The following FBXW12 variants were observed in gnomAD, a reference collection of about 807,000 sequenced individuals.
FBXW12 encodes F-box and WD repeat domain containing 12, also known as F-box/WD repeat-containing protein 12.
FBXW12 carries 43 observed loss-of-function variants against 55.3 expected under a neutral mutation model. The observed-to-expected ratio is 0.78, with a 90% CI of 0.61 to 1.00. The LOEUF (loss-of-function observed/expected upper bound fraction) is 1.00, where lower values mean the gene tolerates loss of function less well. Ranked by LOEUF, FBXW12 falls within the 50% of genes least tolerant of loss-of-function variation. FBXW12 has a pLI of 0.00. For synonymous variants in FBXW12, 184 were observed against 203.8 expected, an observed-to-expected ratio of 0.90 and a Z score of 0.83; for missense variants, 524 against 560.5, an observed-to-expected ratio of 0.93 and a Z score of 0.66.
At chr3:48,372,648 C>G in intron 1 of FBXW12, 36 bp from the exon 2 acceptor site, 1 of 1,585,932 alleles carries the variant, frequency 6.3e-7, no homozygotes, top group South Asian at 1.2e-5. Context: ...TTGTTTCTAC[C>G]GCACACAGAT....
chr3:48,384,472 C>T (rs1348246098), intron 10 of FBXW12, among the ~76,000 whole-genome samples: 3 of 152,196 alleles, frequency 2.0e-5, no homozygotes, highest in Non-Finnish European at 2.9e-5. Flanking sequence ...TGTAGACAAT[C>T]ATGTCGTCTG....
chr3:48,389,007 T>G (rs1175294668), intron 10 of FBXW12, among the ~76,000 whole-genome samples: 1 of 152,214 alleles, frequency 6.6e-6, no homozygotes, highest in East Asian at 1.9e-4. Flanking sequence ...CCCTGTTCCC[T>G]GTCTAACCCC....
At chr3:48,379,612 G>C (rs2036736977) in intron 7 of FBXW12, 54 bp downstream of exon 7, 1 of 1,536,520 alleles carries the variant, frequency 6.5e-7, no homozygotes, top group South Asian at 1.1e-5. Flanking sequence ...AAGTTAGGAA[G>C]CATGCAGAGA....
At chr3:48,372,952 G>T in intron 2 of FBXW12, 95 bp downstream of exon 2, 1 of 1,164,026 alleles carries the variant, frequency 8.6e-7, no homozygotes, top group Non-Finnish European at 1.3e-6. Flanking sequence ...GTTACACTGA[G>T]GCTTTGGGGG....
chr3:48,375,177 A>C (rs888602297), intron 4 of FBXW12, among the ~76,000 whole-genome samples, 177 bp from the exon 5 acceptor site: 15 of 152,150 alleles, frequency 9.9e-5, no homozygotes, highest in Non-Finnish European at 2.1e-4. Flanking sequence ...ACATCTCCCA[A>C]ATGGCCAGTC....
intron 10 of FBXW12, among the ~76,000 whole-genome samples, chr3:48,385,529 G>A (rs1021928930): frequency 1.3e-5 from 2 of 152,108 alleles, no homozygotes; most frequent in South Asian, 2.1e-4. Flanking sequence ...AATTCCTTTG[G>A]ATGTATACCC....
chr3:48,390,471 G>A (rs1274557376), intron 10 of FBXW12, among the ~76,000 whole-genome samples: 1 of 133,252 alleles, frequency 7.5e-6, no homozygotes, highest in Non-Finnish European at 1.5e-5. Flanking sequence ...CTGGAGTGCA[G>A]TGGTACAATC....
intron 5 of FBXW12, 44 bp from the exon 6 acceptor site, chr3:48,378,273 G>GT: frequency 6.9e-7 from 1 of 1,454,244 alleles, no homozygotes; most frequent in Non-Finnish European, 9.7e-7. Flanking sequence ...CACAGTAGGT[G>GT]TAAGGGTTCC....
At chr3:48,381,024 T>TG in intron 8 of FBXW12, 112 bp downstream of exon 8, 3 of 210,366 alleles carry the variant, frequency 1.4e-5, no homozygotes, top group South Asian at 1.3e-4. Context: ...GATTTCTAGT[T>TG]TTTTTTTTTT....
At chr3:48,378,881 A>G (rs757499503) in intron 6 of FBXW12, among the ~76,000 whole-genome samples, 23 of 152,034 alleles carry the variant, frequency 1.5e-4, no homozygotes, top group Admixed American at 2.6e-4. Context: ...TTACAGGCAT[A>G]AGCCACAGCG....
Position 48,379,781 on chromosome 3 carries a change from G to A in FBXW12, c.774+223G>A, listed in dbSNP as rs978072729. Reference sequence around the variant, plus strand: ...TAACAAAAACTCGTTCATGAAGCCCGAATTTGCCAAAGAGATGGAAGAGGG... The same window carrying A: ...TAACAAAAACTCGTTCATGAAGCCCAAATTTGCCAAAGAGATGGAAGAGGG... On this transcript the variant is annotated intron_variant, in intron 7 of 10. Coordinates refer to ENST00000296438, the MANE Select transcript of FBXW12 (RefSeq NM_207102.2). 14 of 487,590 alleles carry A rather than the reference G, an allele frequency of 2.9e-5. No individual in the cohort carries two copies. In the East Asian group the frequency reaches 4.0e-4, roughly 14 times the overall value. The allele number at this position is 487,590 out of a possible 1,614,324, so 30.2% of individuals were successfully genotyped here.
Position 48,372,828 on chromosome 3 carries a change from G to C in FBXW12, c.61G>C (p.Gly21Arg). The C allele has an allele frequency of 1.9e-6, 3 of 1,614,130 alleles. No homozygotes were observed. The highest frequency in any genetic ancestry group is 2.5e-6 in the Non-Finnish European group (3 of 1,180,016). The change falls in exon 2 of 11, where the codon GGC becomes CGC. Residue 21 changes from glycine to arginine, a missense_variant. Gly to Arg is a moderately radical substitution (Grantham distance 125). Coordinates refer to ENST00000296438, the MANE Select transcript of FBXW12 (RefSeq NM_207102.2). The stretch of plus-strand genomic sequence containing the variant: ...AATCTTCTCTTTCCTGGACCTGTTC[G>C]GCTTGCTGCAGGTTTCCCAGGTGAA... ...KRIFSFLDLF[G>R]LLQVSQVNKH...
intron 10 of FBXW12, among the ~76,000 whole-genome samples, chr3:48,389,098 A>G (rs1375416570): frequency 6.6e-6 from 1 of 152,194 alleles, no homozygotes; most frequent in Non-Finnish European, 1.5e-5. Context: ...GATTCCATGT[A>G]TAAGTGAGAT....
At chr3:48,382,561 G>A (rs2036794327) in intron 10 of FBXW12, among the ~76,000 whole-genome samples, 1 of 152,030 alleles carries the variant, frequency 6.6e-6, no homozygotes, top group Non-Finnish European at 1.5e-5. Flanking sequence ...TAGATGTTAA[G>A]TCTTCCCAAA....
In FBXW12 at chr3:48,381,880, TA is replaced by T. The variant is rs2036781012; in HGVS notation, c.1164+3del. On this transcript the variant is annotated splice_donor_region_variant and intron_variant, in intron 9 of 10. Coordinates refer to ENST00000296438, the MANE Select transcript of FBXW12 (RefSeq NM_207102.2). ...GCAGCCATCAACAACTTCTGGGTGG[TA>T]TGTATGATTCTCCTCCACTGCTTTT... 5.0e-6 allele frequency: 8 copies of T among 1,608,858 alleles called. No individual in the cohort carries two copies. The highest frequency in any genetic ancestry group is 5.1e-6 in the Non-Finnish European group (6 of 1,176,136).
intron 10 of FBXW12, among the ~76,000 whole-genome samples, chr3:48,383,660 AG>A (rs1215576483): frequency 5.9e-5 from 9 of 152,210 alleles, no homozygotes; most frequent in African/African-American, 2.2e-4. Context: ...CCAAGATCAC[AG>A]AGATGTTCTA....
chr3:48,372,326 C>T lies in FBXW12; in HGVS notation c.-85+6C>T. On this transcript the variant is annotated splice_donor_region_variant and intron_variant, in intron 1 of 10. Transcript: ENST00000296438. ...ACCAGATTCAAGATCCCAAGGTAGG[C>T]ACAGACACAGGGCAAGCAGACTCCA... is the stretch of plus-strand genomic sequence containing the variant. 6.4e-7 allele frequency: 1 copy of T among 1,552,200 alleles called. No homozygotes were observed. Among genetic ancestry groups the T allele is most frequent in the South Asian group, 1.2e-5 (1 of 84,058 alleles).
intron 1 of FBXW12, 64 bp downstream of exon 1, chr3:48,372,384 A>G: frequency 1.3e-6 from 2 of 1,517,832 alleles, no homozygotes; most frequent in Non-Finnish European, 1.8e-6. Flanking sequence ...ATAGAGTCAT[A>G]GAGACACTCA....
Position 48,372,577 on chromosome 3 carries a change from G to A in FBXW12, c.-84-107G>A, listed in dbSNP as rs2036617138. 7 of 1,342,944 alleles carry A rather than the reference G, an allele frequency of 5.2e-6. No individual in the cohort carries two copies. In the South Asian group the frequency reaches 1.0e-4, roughly 19 times the overall value. 83.2% of individuals were successfully genotyped at this position (1,342,944 alleles called of 1,614,324 possible). ...GGTAGGGATGCCTGCCAGCTGTGTG[G>A]ATCAGGCCCCAGGGGAGAGGCCGGG... On this transcript the variant is annotated intron_variant, in intron 1 of 10. Transcript: ENST00000296438.
Sources: allele counts gnomAD v4.1 joint callset (sites outside exome capture counted in the v4.1 genomes callset), GRCh38; gene constraint gnomAD v4.1.1; transcripts MANE v1.5; gene names NCBI Gene and HGNC (gene_info 2026-07-23, HGNC 2026-07-21).